The following KCNAB1 variants were observed in gnomAD, a reference collection of about 807,000 sequenced individuals.
The protein encoded by KCNAB1 is potassium voltage-gated channel subfamily A regulatory beta subunit 1.
KCNAB1 carries 35 observed loss-of-function variants against 64.6 expected under a neutral mutation model. The ratio of observed to expected loss-of-function variants is 0.54; its 90% confidence interval spans 0.41 to 0.72. The LOEUF (loss-of-function observed/expected upper bound fraction) is 0.72, where lower values mean the gene tolerates loss of function less well. Among genes scored for constraint, KCNAB1 ranks in the 30% least tolerant of loss-of-function variants. The pLI is 0.00. For missense variants in KCNAB1, 401 were observed against 512.9 expected (o/e 0.78, Z 2.11); for synonymous variants, 177 against 183.8 (o/e 0.96, Z 0.30).
In KCNAB1 at chr3:156,459,837, AT is replaced by A; in HGVS notation, c.450del (p.Leu151TrpfsTer17). 1.2e-6 allele frequency: 2 copies of A among 1,610,520 alleles called. No homozygotes were observed. Among genetic ancestry groups the A allele is most frequent in the Non-Finnish European group, 1.7e-6 (2 of 1,177,170 alleles). On this transcript the variant is annotated frameshift_variant, in exon 5 of 14. Coordinates refer to ENST00000490337, the MANE Select transcript of KCNAB1 (RefSeq NM_172160.3). LOFTEE classifies it high-confidence loss of function. Reference sequence around the variant, plus strand: ...TGTTTCCCCTTCCAGGGCTGAAGTGATTCTGGGGAGCATCATCAAGAAGAAA... The same window carrying A: ...TGTTTCCCCTTCCAGGGCTGAAGTGATCTGGGGAGCATCATCAAGAAGAAA... ...EVYAAGKAEVILGSIIKKKGW... is the reference protein window; with the variant it reads ...EVYAAGKAEVXLGSIIKKKGW...
chr3:156,379,867 G>A (rs994656946), intron 1 of KCNAB1, among the ~76,000 whole-genome samples: 3 of 152,168 alleles, frequency 2.0e-5, no homozygotes, highest in Admixed American at 2.0e-4. Flanking sequence ...GAAGTGGTAA[G>A]CAACAATTTT....
At chr3:156,390,707 C>T (rs774551096) in intron 1 of KCNAB1, among the ~76,000 whole-genome samples, 7 of 152,048 alleles carry the variant, frequency 4.6e-5, no homozygotes, top group Non-Finnish European at 7.4e-5. Flanking sequence ...CTCAGCCTCC[C>T]GAGTAGCTGG....
chr3:156,297,259 C>CTTT (rs71141704), intron 1 of KCNAB1, among the ~76,000 whole-genome samples: 33 of 96,532 alleles, frequency 3.4e-4, no homozygotes, highest in East Asian at 7.9e-4. Flanking sequence ...TTGAGGTTGG[C>CTTT]TTTTTTTTTT....
intron 8 of KCNAB1, among the ~76,000 whole-genome samples, chr3:156,475,627 G>A (rs1193955914): frequency 3.3e-5 from 5 of 152,172 alleles, no homozygotes; most frequent in African/African-American, 1.2e-4. Context: ...GTATGATGTG[G>A]ATTACCACTT....
chr3:156,160,179 G>C (rs1715993706), intron 1 of KCNAB1, among the ~76,000 whole-genome samples: 1 of 152,172 alleles, frequency 6.6e-6, no homozygotes, highest in African/African-American at 2.4e-5. Context: ...GAAGGCCCAA[G>C]AGCTAGGGAA....
In KCNAB1 at chr3:156,452,914, T is replaced by A; in HGVS notation, c.335T>A (p.Phe112Tyr). ...SCLGLGTWVT[F>Y]GGQISDEVAE... ...TATTTTCTAGGAACATGGGTGACAT[T>A]TGGAGGTCAAATTTCAGATGAGGTA... The change falls in exon 3 of 14, where the codon TTT becomes TAT. Residue 112 changes from phenylalanine to tyrosine, a missense_variant. Transcript: ENST00000490337. This position sits in a 1 kb window ranked among gnomAD's most constrained non-coding sequence, Gnocchi z 4.6. 6.2e-7 allele frequency: 1 copy of A among 1,604,312 alleles called. No homozygotes were observed.
intron 1 of KCNAB1, among the ~76,000 whole-genome samples, chr3:156,175,545 G>A (rs1213937161): frequency 6.6e-6 from 1 of 152,232 alleles, no homozygotes; most frequent in East Asian, 1.9e-4. Flanking sequence ...CGTGAACCCG[G>A]GAGGCGGAGC....
chr3:156,236,535 A>T (rs190458175), intron 1 of KCNAB1, among the ~76,000 whole-genome samples: 1 of 152,280 alleles, frequency 6.6e-6, no homozygotes, highest in Non-Finnish European at 1.5e-5. Flanking sequence ...TGCCAACCTA[A>T]CAGCCATTTG....
At chr3:156,392,662 ATTCTT>A (rs1256833643) in intron 1 of KCNAB1, among the ~76,000 whole-genome samples, 2 of 152,226 alleles carry the variant, frequency 1.3e-5, no homozygotes, top group African/African-American at 4.8e-5. Context: ...AATCCCTTCT[ATTCTT>A]AGTTTACCAA....
Position 156,474,922 on chromosome 3 carries a change from T to G in KCNAB1, c.658+102T>G. The G allele has an allele frequency of 3.2e-6, 3 of 946,644 alleles. No individual in the cohort carries two copies. The South Asian group carries it at 4.2e-5, about 13-fold the overall frequency. The allele number at this position is 946,644 out of a possible 1,614,324, so 58.6% of individuals were successfully genotyped here. On this transcript the variant is annotated intron_variant, in intron 8 of 13. Transcript: ENST00000490337. Reference sequence around the variant, plus strand: ...TGAATTGTATTCAGACTGATCAAACTGAATGTGAAAAATAAAAATGTTTCT... The same window carrying G: ...TGAATTGTATTCAGACTGATCAAACGGAATGTGAAAAATAAAAATGTTTCT...
intron 1 of KCNAB1, among the ~76,000 whole-genome samples, chr3:156,296,470 C>G (rs966852110): frequency 1.4e-5 from 2 of 147,942 alleles, no homozygotes; most frequent in East Asian, 2.0e-4. Context: ...CTCCCCCCCC[C>G]CCCACCTTTT....
At chr3:156,286,753 A>G (rs1337114280) in intron 1 of KCNAB1, among the ~76,000 whole-genome samples, 2 of 152,226 alleles carry the variant, frequency 1.3e-5, no homozygotes, top group Non-Finnish European at 2.9e-5. Flanking sequence ...CTTTTAAACT[A>G]TATTCATAAA....
chr3:156,219,701 A>G (rs1419442012), intron 1 of KCNAB1, among the ~76,000 whole-genome samples: 1 of 19,414 alleles, frequency 5.2e-5, no homozygotes, highest in Non-Finnish European at 8.7e-5. Context: ...TCTTTTTATT[A>G]TTATTATTAT....
At chr3:156,438,538 G>T (rs1362278571) in intron 2 of KCNAB1, among the ~76,000 whole-genome samples, 1 of 152,114 alleles carries the variant, frequency 6.6e-6, no homozygotes, top group African/African-American at 2.4e-5. Flanking sequence ...GGCTTTCACT[G>T]TGAGTTCTGA....
At chr3:156,387,014 C>CTTTT (rs1194708289) in intron 1 of KCNAB1, among the ~76,000 whole-genome samples, 14 of 90,508 alleles carry the variant, frequency 1.5e-4, no homozygotes, top group Non-Finnish European at 2.5e-4. Context: ...TTCTCTCTCT[C>CTTTT]TTTTTTTTTT....
At chr3:156,119,027 GGCT>G (rs1713205345), upstream of KCNAB1, among the ~76,000 whole-genome samples, 1 of 152,202 alleles carries the variant, frequency 6.6e-6, no homozygotes, top group African/African-American at 2.4e-5. Flanking sequence ...ACATGCTTCA[GGCT>G]GCACATTACT....
chr3:156,502,542 ACACACAC>A (rs1716521682), intron 8 of KCNAB1, among the ~76,000 whole-genome samples: 1 of 99,686 alleles, frequency 1.0e-5, no homozygotes, highest in Non-Finnish European at 2.3e-5. Flanking sequence ...CCACACACAC[ACACACAC>A]ACACACACAC....
chr3:156,122,436 T>G (rs1400929411), intron 1 of KCNAB1, among the ~76,000 whole-genome samples: 2 of 152,222 alleles, frequency 1.3e-5, no homozygotes, highest in African/African-American at 4.8e-5. Context: ...TATCTGACAT[T>G]GGAACAACAT....
intron 1 of KCNAB1, among the ~76,000 whole-genome samples, chr3:156,412,500 T>C (rs1159984150): frequency 6.6e-6 from 1 of 152,206 alleles, no homozygotes; most frequent in African/African-American, 2.4e-5. Context: ...TTCTCAAACT[T>C]TTATTGGATT....
Sources: gnomAD v4.1 joint callset for allele counts (sites outside exome capture counted in the v4.1 genomes callset) on GRCh38, gnomAD v4.1.1 for gene constraint, Gnocchi (gnomAD v3.1) non-coding constraint, MANE v1.5 for transcripts, NCBI Gene and HGNC (gene_info 2026-07-23, HGNC 2026-07-21) for gene names.